MRAP2: variants seen among roughly 807,000 people sequenced by gnomAD.
MRAP2 encodes the protein melanocortin 2 receptor accessory protein 2, also known as melanocortin-2 receptor accessory protein 2.
MRAP2 carries 20 observed loss-of-function variants against 17.4 expected under a neutral mutation model. That is an observed-to-expected ratio of 1.15 (90% CI 0.81 to 1.67). The LOEUF is 1.67. MRAP2 is among the 40% of genes most tolerant of loss of function. The probability of loss-of-function intolerance (pLI) is 0.00; values close to 1 mark genes in which losing one functional copy is unlikely to be tolerated. For missense variants in MRAP2, 238 were observed against 240.0 expected, an observed-to-expected ratio of 0.99 and a Z score of 0.05; for synonymous variants, 96 against 88.4, an observed-to-expected ratio of 1.09 and a Z score of -0.48.
intron 3 of MRAP2, among the ~76,000 whole-genome samples, chr6:84,067,672 G>A (rs547773268): frequency 1.6e-4 from 24 of 148,320 alleles, no homozygotes; most frequent in Admixed American, 1.0e-3. Flanking sequence ...TTGGCCATTT[G>A]TATATCTTCT....
chr6:84,129,548 A>C, the MRAP2 span, among the ~76,000 whole-genome samples: 1 of 151,710 alleles, frequency 6.6e-6, no homozygotes, highest in Non-Finnish European at 1.5e-5. Flanking sequence ...TTTTCTTGTA[A>C]ATTTGTTTAA....
At chr6:84,059,288 T>A (rs1237565321) in intron 2 of MRAP2, among the ~76,000 whole-genome samples, 1 of 152,128 alleles carries the variant, frequency 6.6e-6, no homozygotes, top group African/African-American at 2.4e-5. Context: ...GTCATTAGGA[T>A]GAGAAACAGC....
chr6:84,105,915 A>T, the MRAP2 span, among the ~76,000 whole-genome samples: 2 of 152,182 alleles, frequency 1.3e-5, no homozygotes, highest in African/African-American at 4.8e-5. Context: ...AAATTTTGCT[A>T]GTGGGTCACT....
the MRAP2 span, among the ~76,000 whole-genome samples, chr6:84,106,284 T>C: frequency 6.6e-6 from 1 of 152,210 alleles, no homozygotes; most frequent in Non-Finnish European, 1.5e-5. Flanking sequence ...AGGCATTCTA[T>C]ACGTCAGTGG....
upstream of MRAP2, chr6:84,033,702 C>T (rs867222972): frequency 1.0e-6 from 1 of 985,120 alleles, no homozygotes; most frequent in African/African-American, 1.7e-5. Flanking sequence ...CAGCCCTGCT[C>T]CGGCGCCCCG....
At chr6:84,070,423 G>T (rs994601648) in intron 3 of MRAP2, among the ~76,000 whole-genome samples, 1 of 152,106 alleles carries the variant, frequency 6.6e-6, no homozygotes, top group Non-Finnish European at 1.5e-5. Flanking sequence ...TTTTGGAGTT[G>T]ATTTCTAGTT....
In MRAP2 at chr6:84,033,782, C is replaced by A; in HGVS notation, c.-109C>A. 1 of 987,180 alleles carries A rather than the reference C, an allele frequency of 1.0e-6. No homozygotes were observed. Among genetic ancestry groups the A allele is most frequent in the South Asian group, 4.5e-5 (1 of 22,116 alleles). The allele number at this position is 987,180 out of a possible 1,614,324, so 61.2% of individuals were successfully genotyped here. Reference sequence around the variant, plus strand: ...TCGGATCTAGGAGCTACTCGCCCGGCCCTGGGCGGTGGGAGGCGGCGGCGG... The same window carrying A: ...TCGGATCTAGGAGCTACTCGCCCGGACCTGGGCGGTGGGAGGCGGCGGCGG... On this transcript the variant is annotated 5_prime_UTR_variant, in exon 1 of 4. Transcript: ENST00000257776.
intron 1 of MRAP2, 74 bp from the exon 2 acceptor site, chr6:84,055,238 A>T (rs1352460964): frequency 6.5e-7 from 1 of 1,526,856 alleles, no homozygotes; most frequent in Non-Finnish European, 8.8e-7. Context: ...GAATGCGATC[A>T]AGAGTAATTA....
chr6:84,045,001 A>G (rs2099488612), intron 1 of MRAP2, among the ~76,000 whole-genome samples: 1 of 152,248 alleles, frequency 6.6e-6, no homozygotes, highest in African/African-American at 2.4e-5. Flanking sequence ...TTAATAATAC[A>G]GGATAGCAAC....
intron 3 of MRAP2, among the ~76,000 whole-genome samples, chr6:84,081,474 G>A (rs1345060286): frequency 6.6e-6 from 1 of 152,198 alleles, no homozygotes; most frequent in Non-Finnish European, 1.5e-5. Flanking sequence ...TTTCCCCTGT[G>A]CTATTCTTGT....
intron 3 of MRAP2, among the ~76,000 whole-genome samples, chr6:84,066,235 G>A (rs775236066): frequency 1.8e-4 from 28 of 152,148 alleles, no homozygotes; most frequent in Non-Finnish European, 3.5e-4. Context: ...AACCCTGAAT[G>A]CTTCTAACAA....
At chr6:84,051,372 C>T (rs1367445035) in intron 1 of MRAP2, among the ~76,000 whole-genome samples, 2 of 152,190 alleles carry the variant, frequency 1.3e-5, no homozygotes, top group African/African-American at 2.4e-5. Flanking sequence ...GCCTGGCCAG[C>T]ATGGCAAAAC....
At chr6:84,135,105 A>G in the MRAP2 span, among the ~76,000 whole-genome samples, 102 of 152,282 alleles carry the variant, frequency 6.7e-4, no homozygotes, top group South Asian at 0.011. Context: ...CTGGAAGGAT[A>G]TAGAGCAAAA....
intron 3 of MRAP2, among the ~76,000 whole-genome samples, chr6:84,064,285 C>A (rs2099493957): frequency 6.6e-6 from 1 of 151,794 alleles, no homozygotes; most frequent in African/African-American, 2.4e-5. Context: ...AGGGAAGGAG[C>A]CTCAAAGTTA....
intron 1 of MRAP2, among the ~76,000 whole-genome samples, chr6:84,046,509 C>T (rs549189315): frequency 7.9e-5 from 12 of 152,044 alleles, no homozygotes; most frequent in African/African-American, 2.2e-4. Flanking sequence ...TGGCTGGGTG[C>T]GGTGGCTCAT....
At chr6:84,107,284 T>C in the MRAP2 span, among the ~76,000 whole-genome samples, 1 of 152,148 alleles carries the variant, frequency 6.6e-6, no homozygotes, top group Non-Finnish European at 1.5e-5. Flanking sequence ...CCACTAGGCA[T>C]TGTGCCCCCT....
chr6:84,070,700 C>G (rs1207475637), intron 3 of MRAP2, among the ~76,000 whole-genome samples: 1 of 151,986 alleles, frequency 6.6e-6, no homozygotes, highest in Non-Finnish European at 1.5e-5. Flanking sequence ...GGATTGAAGT[C>G]CCCCACTTAG....
chr6:84,131,193 A>T, the MRAP2 span, among the ~76,000 whole-genome samples: 1 of 152,136 alleles, frequency 6.6e-6, no homozygotes, highest in Admixed American at 6.5e-5. Context: ...CCTGAGTTCC[A>T]ATTTGACTGC....
At chr6:84,113,674 T>G in the MRAP2 span, among the ~76,000 whole-genome samples, 2 of 152,236 alleles carry the variant, frequency 1.3e-5, no homozygotes, top group African/African-American at 4.8e-5. Flanking sequence ...AGTTTCTTCA[T>G]AGTGTCAATG....
Sources: gnomAD v4.1 joint callset for allele counts (sites outside exome capture counted in the v4.1 genomes callset) on GRCh38, gnomAD v4.1.1 for gene constraint, MANE v1.5 for transcripts, NCBI Gene and HGNC (gene_info 2026-07-23, HGNC 2026-07-21) for gene names.